Variants in TASP1 observed in about 807,000 individuals in gnomAD.
TASP1 encodes threonine aspartase 1.
A neutral mutation model predicts 56.6 loss-of-function variants in TASP1; 16 were observed. That is an observed-to-expected ratio of 0.28 (90% CI 0.19 to 0.43). The LOEUF (loss-of-function observed/expected upper bound fraction) is 0.43, where lower values mean the gene tolerates loss of function less well. TASP1 is among the 20% of genes least tolerant of loss of function. The probability of loss-of-function intolerance (pLI) is 1.00; values close to 1 mark genes in which losing one functional copy is unlikely to be tolerated. For synonymous variants in TASP1, 179 were observed against 184.2 expected, an observed-to-expected ratio of 0.97 and a Z score of 0.23; for missense variants, 393 against 511.6, an observed-to-expected ratio of 0.77 and a Z score of 2.24.
chr20:13,629,503 G>A lies in TASP1; in HGVS notation c.145+431C>T, dbSNP rs112256343. 4.1e-4 allele frequency among the ~76,000 whole-genome samples: 62 copies of A among 151,744 alleles called. No homozygotes were observed. The Middle Eastern group carries it at 0.01, about 25-fold the overall frequency. ...TTTTATTTTATTGAGATGGTGTCTC[G>A]GTTTGTTGCCCAGGCTGGAGCGCAG... On this transcript the variant is annotated intron_variant, in intron 2 of 13. Transcript: ENST00000337743.
At chr20:13,360,470 C>T in the TASP1 span, among the ~76,000 whole-genome samples, 1 of 152,126 alleles carries the variant, frequency 6.6e-6, no homozygotes, top group Non-Finnish European at 1.5e-5. Flanking sequence ...AAAACAACAA[C>T]TCCTTTCCTT....
At chr20:13,442,316 C>A (rs1022177257) in intron 11 of TASP1, among the ~76,000 whole-genome samples, 9 of 150,870 alleles carry the variant, frequency 6.0e-5, no homozygotes, top group African/African-American at 1.9e-4. Context: ...ACACACACAC[C>A]ACACACATAC....
intron 4 of TASP1, among the ~76,000 whole-genome samples, chr20:13,588,528 C>T (rs953800536): frequency 5.9e-5 from 9 of 151,470 alleles, no homozygotes; most frequent in East Asian, 5.8e-4. Context: ...TATATATTAG[C>T]GATAAACAAT....
chr20:13,439,141 C>T (rs183729361), intron 11 of TASP1, among the ~76,000 whole-genome samples: 1 of 152,312 alleles, frequency 6.6e-6, no homozygotes, highest in Admixed American at 6.5e-5. Context: ...TTTGACCCAG[C>T]CAGCCCATTA....
chr20:13,284,704 A>T, the TASP1 span, among the ~76,000 whole-genome samples: 11 of 152,122 alleles, frequency 7.2e-5, no homozygotes, highest in African/African-American at 2.4e-5. Flanking sequence ...GCTTCAGGGG[A>T]GTGAGCTCAC....
intron 6 of TASP1, among the ~76,000 whole-genome samples, chr20:13,574,538 G>T (rs1376292103): frequency 4.6e-5 from 7 of 152,064 alleles, no homozygotes; most frequent in African/African-American, 1.7e-4. Flanking sequence ...AACAGAATTA[G>T]CAAACAAAGA....
the TASP1 span, among the ~76,000 whole-genome samples, chr20:13,369,033 CATA>C: frequency 6.6e-6 from 1 of 152,064 alleles, no homozygotes; most frequent in Non-Finnish European, 1.5e-5. Context: ...TGTGACTAGT[CATA>C]GTAGGCAATT....
At chr20:13,263,086 G>A in the TASP1 span, among the ~76,000 whole-genome samples, 3 of 152,234 alleles carry the variant, frequency 2.0e-5, no homozygotes, top group East Asian at 1.9e-4. Context: ...TGAAGCATAC[G>A]TATGGCCGTT....
chr20:13,573,250 T>C (rs1357615909), intron 6 of TASP1, among the ~76,000 whole-genome samples: 1 of 152,216 alleles, frequency 6.6e-6, no homozygotes, highest in East Asian at 1.9e-4. Flanking sequence ...AATTCATAGT[T>C]TGAAACCTCA....
chr20:13,186,964 G>C, the TASP1 span, among the ~76,000 whole-genome samples: 111 of 152,300 alleles, frequency 7.3e-4, no homozygotes, highest in East Asian at 0.017. Flanking sequence ...TGAAAAATGT[G>C]TTAAAGCCTC....
At chr20:13,560,633 G>C (rs572554580) in intron 7 of TASP1, among the ~76,000 whole-genome samples, 3 of 152,258 alleles carry the variant, frequency 2.0e-5, no homozygotes, top group South Asian at 2.1e-4. Flanking sequence ...AAAAAACAGG[G>C]AGAAGGTAGA....
chr20:13,590,989 G>C (rs987653985), intron 4 of TASP1, among the ~76,000 whole-genome samples: 1 of 150,750 alleles, frequency 6.6e-6, no homozygotes, highest in African/African-American at 2.4e-5. Context: ...AGCAATAAAC[G>C]TAATAATACA....
chr20:13,268,996 G>A, the TASP1 span, among the ~76,000 whole-genome samples: 2 of 152,146 alleles, frequency 1.3e-5, no homozygotes, highest in Non-Finnish European at 2.9e-5. Flanking sequence ...ATCTGCTAGT[G>A]TGTTTCAGCC....
the TASP1 span, among the ~76,000 whole-genome samples, chr20:13,323,099 A>C: frequency 6.6e-6 from 1 of 152,136 alleles, no homozygotes; most frequent in Non-Finnish European, 1.5e-5. Context: ...TCGGAGGAAA[A>C]ATAGGAACTA....
the TASP1 span, among the ~76,000 whole-genome samples, chr20:13,290,445 C>T: frequency 6.6e-5 from 10 of 152,112 alleles, no homozygotes; most frequent in Non-Finnish European, 1.2e-4. Context: ...GTCAGGAGAT[C>T]GAGACCATCC....
At chr20:13,135,865 G>A in the TASP1 span, among the ~76,000 whole-genome samples, 1 of 152,174 alleles carries the variant, frequency 6.6e-6, no homozygotes, top group African/African-American at 2.4e-5. Flanking sequence ...TCAGTGCCAG[G>A]CTGGTGGGAT....
chr20:13,247,828 A>C, the TASP1 span, among the ~76,000 whole-genome samples: 2 of 152,196 alleles, frequency 1.3e-5, no homozygotes, highest in Non-Finnish European at 2.9e-5. Context: ...GTTTTCAAAA[A>C]GAAGTAGGAT....
chr20:13,256,820 C>T, the TASP1 span, among the ~76,000 whole-genome samples: 173 of 152,276 alleles, frequency 1.1e-3, no homozygotes, highest in Middle Eastern at 3.4e-3. Flanking sequence ...TAATTATATC[C>T]ACCCAGTGGG....
intron 13 of TASP1, chr20:13,393,815 G>T (rs780716906): frequency 3.2e-5 from 18 of 560,140 alleles, no homozygotes; most frequent in Non-Finnish European, 5.4e-5. Flanking sequence ...ACCCTGAAGA[G>T]GGAGGGGCCT....
Sources: gnomAD v4.1 joint callset for allele counts (sites outside exome capture counted in the v4.1 genomes callset) on GRCh38, gnomAD v4.1.1 for gene constraint, MANE v1.5 for transcripts, NCBI Gene and HGNC (gene_info 2026-07-23, HGNC 2026-07-21) for gene names.